DOCK5: variants seen among roughly 807,000 people sequenced by gnomAD.
DOCK5 encodes the protein dedicator of cytokinesis 5, also known as dedicator of cytokinesis protein 5.
A neutral mutation model predicts 251.8 loss-of-function variants in DOCK5; 142 were observed. That is an observed-to-expected ratio of 0.56 (90% CI 0.49 to 0.65). DOCK5 has a LOEUF of 0.65. Ranked by LOEUF, DOCK5 falls within the 30% of genes least tolerant of loss-of-function variation. The pLI, the probability that DOCK5 is intolerant of heterozygous loss-of-function variation, is 0.00. For missense variants in DOCK5, 2,111 were observed against 2,312.3 expected, an observed-to-expected ratio of 0.91 and a Z score of 1.79; for synonymous variants, 842 against 835.5, an observed-to-expected ratio of 1.01 and a Z score of -0.13.
Position 25,244,053 on chromosome 8 carries a change from C to T in DOCK5, c.127+296C>T, listed in dbSNP as rs17053228. On this transcript the variant is annotated intron_variant, in intron 2 of 51. Coordinates refer to ENST00000276440, the MANE Select transcript of DOCK5 (RefSeq NM_024940.8). ...AAGGATCAGTGACAGAGCTGGCTCG[C>T]GAGGAGACACTTGGGATGTTGGGCT... Among the ~76,000 whole-genome samples, 8,395 of 152,226 alleles carry T rather than the reference C, an allele frequency of 0.055. 537 individuals carry two copies. The highest frequency in any genetic ancestry group is 0.16 in the African/African-American group (6,570 of 41,512).
chr8:25,261,334 T>G (rs776895949), intron 2 of DOCK5, among the ~76,000 whole-genome samples: 1 of 152,240 alleles, frequency 6.6e-6, no homozygotes, highest in East Asian at 1.9e-4. Flanking sequence ...CAATCTGCAG[T>G]TGAACTTCTG....
Position 25,210,378 on chromosome 8 carries a change from A to G in DOCK5, c.43+25427A>G, listed in dbSNP as rs1050852295. Reference sequence around the variant, plus strand: ...AATATTGATGAAGCACAGTGATGCCATAGACAGTGATGGGGTGAGGTGCTG... The same window carrying G: ...AATATTGATGAAGCACAGTGATGCCGTAGACAGTGATGGGGTGAGGTGCTG... On this transcript the variant is annotated intron_variant, in intron 1 of 51. Coordinates refer to ENST00000276440, the MANE Select transcript of DOCK5 (RefSeq NM_024940.8). 4.2e-4 allele frequency among the ~76,000 whole-genome samples: 29 copies of G among 68,516 alleles called. 14 individuals carry two copies. Among genetic ancestry groups the G allele is most frequent in the South Asian group, 1.6e-3 (4 of 2,510 alleles). 44.9% of individuals were successfully genotyped at this position (68,516 alleles called of 152,430 possible). A position where few individuals can be genotyped will look rare whatever the true frequency, so the allele number is the denominator to read the frequency against.
At chr8:25,268,385 A>T (rs142434638) in intron 2 of DOCK5, among the ~76,000 whole-genome samples, 1 of 152,214 alleles carries the variant, frequency 6.6e-6, no homozygotes, top group East Asian at 1.9e-4. Context: ...GTGGTTCTTA[A>T]CCTGGGAACT....
chr8:25,187,229 A>T (rs1801451024), intron 1 of DOCK5, among the ~76,000 whole-genome samples: 1 of 145,592 alleles, frequency 6.9e-6, no homozygotes, highest in South Asian at 2.1e-4. Flanking sequence ...ACATATATAT[A>T]CGTATATATA....
chr8:25,361,304 G>A (rs1282357844), intron 28 of DOCK5, among the ~76,000 whole-genome samples: 3 of 152,250 alleles, frequency 2.0e-5, no homozygotes, highest in Non-Finnish European at 2.9e-5. Flanking sequence ...ATAAATTGGT[G>A]GAAGCACTTA....
chr8:25,262,038 T>C (rs1803600034), intron 2 of DOCK5, among the ~76,000 whole-genome samples: 2 of 152,240 alleles, frequency 1.3e-5, no homozygotes, highest in Admixed American at 6.5e-5. Flanking sequence ...CCCATTGATG[T>C]ACATTTTGAT....
intron 13 of DOCK5, among the ~76,000 whole-genome samples, chr8:25,315,008 C>A (rs892805795): frequency 6.7e-6 from 1 of 149,142 alleles, no homozygotes; most frequent in African/African-American, 2.5e-5. Flanking sequence ...TCTGTTCTTT[C>A]TTTGCTCATT....
At position 25,368,867 on chromosome 8, in the gene DOCK5, A is replaced by C. The variant is rs547520713; in HGVS notation, c.3438+142A>C. On this transcript the variant is annotated intron_variant, in intron 33 of 51. Coordinates refer to ENST00000276440, the MANE Select transcript of DOCK5 (RefSeq NM_024940.8). ...AGTTCACTTTACATTTCATTTTATA[A>C]AGCAATTAGAGATAGAGTCAGACAG... The C allele has an allele frequency of 5.2e-5, 54 of 1,031,032 alleles. No individual in the cohort carries two copies. In the South Asian group the frequency reaches 1.1e-3, roughly 21 times the overall value. 63.9% of individuals were successfully genotyped at this position (1,031,032 alleles called of 1,614,324 possible).
chr8:25,336,385 T>C lies in DOCK5; in HGVS notation c.2327+12T>C, dbSNP rs1211252237. The C allele has an allele frequency of 6.2e-7, 1 of 1,611,252 alleles. No individual in the cohort carries two copies. Among genetic ancestry groups the C allele is most frequent in the Non-Finnish European group, 8.5e-7 (1 of 1,177,562 alleles). Reference sequence around the variant, plus strand: ...GTGCTCTACTTGAGGTAATGTTAACTGCAGTGAAGATGTTTAGATTATCAG... The same window carrying C: ...GTGCTCTACTTGAGGTAATGTTAACCGCAGTGAAGATGTTTAGATTATCAG... On this transcript the variant is annotated intron_variant, in intron 22 of 51. Coordinates refer to ENST00000276440, the MANE Select transcript of DOCK5 (RefSeq NM_024940.8).
intron 11 of DOCK5, among the ~76,000 whole-genome samples, chr8:25,306,845 A>G (rs1012780470): frequency 7.9e-5 from 12 of 152,240 alleles, no homozygotes; most frequent in Non-Finnish European, 1.2e-4. Context: ...ACATGTCACT[A>G]GGCTCTCTTG....
At chr8:25,347,586 ATAAAG>A (rs1345507185) in intron 26 of DOCK5, among the ~76,000 whole-genome samples, 10 of 152,356 alleles carry the variant, frequency 6.6e-5, no homozygotes, top group African/African-American at 2.2e-4. Context: ...CCTTAAAATA[ATAAAG>A]TAAAGCTCCA....
intron 31 of DOCK5, among the ~76,000 whole-genome samples, chr8:25,367,780 T>C (rs1800802115): frequency 1.3e-5 from 2 of 152,334 alleles, no homozygotes; most frequent in Middle Eastern, 6.8e-3. Flanking sequence ...CTAGAATGGA[T>C]GTATATTACC....
intron 34 of DOCK5, among the ~76,000 whole-genome samples, chr8:25,370,256 G>A (rs1238074769): frequency 6.6e-6 from 1 of 152,198 alleles, no homozygotes; most frequent in African/African-American, 2.4e-5. Flanking sequence ...AAACACATAG[G>A]TGTTGGCCTC....
At chr8:25,331,230 G>GAC (rs60869427) in intron 18 of DOCK5, among the ~76,000 whole-genome samples, 14,246 of 140,248 alleles carry the variant, frequency 0.1, 945 homozygotes, top group African/African-American at 0.2. Flanking sequence ...GTTTCTCTGT[G>GAC]ACACACACAC....
At chr8:25,303,457 C>G (rs2666170) in intron 10 of DOCK5, among the ~76,000 whole-genome samples, 110,025 of 152,104 alleles carry the variant, frequency 0.72, 41,344 homozygotes, top group Non-Finnish European at 0.83. Context: ...TTTCAGAGAT[C>G]CTCCTTGGCT....
At chr8:25,243,836 A>G in intron 2 of DOCK5, 79 bp downstream of exon 2, 1 of 1,322,864 alleles carries the variant, frequency 7.6e-7, no homozygotes. Context: ...CACTTAGAGT[A>G]AACATCAACA....
At chr8:25,251,892 G>A (rs1261138794) in intron 2 of DOCK5, among the ~76,000 whole-genome samples, 1 of 151,872 alleles carries the variant, frequency 6.6e-6, no homozygotes, top group Non-Finnish European at 1.5e-5. Flanking sequence ...AGGAGACTGA[G>A]GCACAAGAAT....
intron 28 of DOCK5, among the ~76,000 whole-genome samples, chr8:25,362,077 G>C (rs1024019218): frequency 6.6e-6 from 1 of 152,170 alleles, no homozygotes; most frequent in African/African-American, 2.4e-5. Flanking sequence ...GAAGAGCTCT[G>C]TATGCTTAAG....
At chr8:25,331,444 C>T (rs1430244020) in intron 18 of DOCK5, among the ~76,000 whole-genome samples, 1 of 152,058 alleles carries the variant, frequency 6.6e-6, no homozygotes, top group Non-Finnish European at 1.5e-5. Flanking sequence ...TTTATTAAAC[C>T]TGTAAGTGGC....
Sources: gnomAD v4.1 joint callset for allele counts (sites outside exome capture counted in the v4.1 genomes callset) on GRCh38, gnomAD v4.1.1 for gene constraint, MANE v1.5 for transcripts, NCBI Gene and HGNC (gene_info 2026-07-23, HGNC 2026-07-21) for gene names.